Variants in METAP2 observed in about 807,000 individuals in gnomAD.
METAP2 encodes the protein methionyl aminopeptidase 2.
METAP2 carries 25 observed loss-of-function variants against 59.4 expected under a neutral mutation model. That is an observed-to-expected ratio of 0.42 (90% CI 0.31 to 0.59). METAP2 has a LOEUF of 0.59. Ranked by LOEUF, METAP2 falls within the 20% of genes least tolerant of loss-of-function variation. The pLI is 0.16. For missense variants in METAP2, 366 were observed against 581.2 expected (o/e 0.63, Z 3.81); for synonymous variants, 214 against 194.1 (o/e 1.10, Z -0.85).
chr12:95,511,461 G>C (rs2076402351), intron 8 of METAP2, among the ~76,000 whole-genome samples: 1 of 121,968 alleles, frequency 8.2e-6, no homozygotes, highest in Non-Finnish European at 1.6e-5. Flanking sequence ...ATGTGATCTT[G>C]GCTCACGGCA....
chr12:95,513,090 T>TACACACACAC (rs60788079), intron 10 of METAP2, among the ~76,000 whole-genome samples, 174 bp downstream of exon 10: 2,837 of 136,112 alleles, frequency 0.021, 40 homozygotes, highest in Admixed American at 0.034. Flanking sequence ...AGATAAAAAT[T>TACACACACAC]ACACACACAC....
chr12:95,474,769 G>A (rs2076105405), intron 1 of METAP2, among the ~76,000 whole-genome samples: 1 of 152,124 alleles, frequency 6.6e-6, no homozygotes, highest in Non-Finnish European at 1.5e-5. Flanking sequence ...TTTCTTTGGG[G>A]GTGGGCAAAT....
At position 95,504,136 on chromosome 12, in the gene METAP2, T is replaced by C; in HGVS notation, c.939T>C (p.Val313=). 2 of 1,608,494 alleles carry C rather than the reference T, an allele frequency of 1.2e-6. No individual in the cohort carries two copies. The highest frequency in any genetic ancestry group is 1.7e-6 in the Non-Finnish European group (2 of 1,175,036). ...AAGAAGTTATGGAGTCCTATGAAGTTGAAATAGATGGGAAGACATATCAAG... is the reference window on the plus strand; with the variant it reads ...AAGAAGTTATGGAGTCCTATGAAGTCGAAATAGATGGGAAGACATATCAAG... ...AIQEVMESYE[V]EIDGKTYQVK... Residue 313 remains valine (V), a synonymous_variant, in exon 8 of 11, where the codon GTT becomes GTC. Coordinates refer to ENST00000323666, the MANE Select transcript of METAP2 (RefSeq NM_006838.4).
At chr12:95,492,531 T>C (rs1412506338) in intron 4 of METAP2, among the ~76,000 whole-genome samples, 2 of 151,896 alleles carry the variant, frequency 1.3e-5, no homozygotes, top group African/African-American at 4.8e-5. Context: ...TAATTCTGTT[T>C]CTTTTTTCTT....
At chr12:95,498,399 A>G (rs1416265976) in intron 7 of METAP2, among the ~76,000 whole-genome samples, 2 of 151,612 alleles carry the variant, frequency 1.3e-5, no homozygotes, top group Admixed American at 6.6e-5. Context: ...TTACCTTTTT[A>G]CTCCGGATAT....
At position 95,484,266 on chromosome 12, in the gene METAP2, G is replaced by C. The variant is rs532632463; in HGVS notation, c.325+986G>C. Among the ~76,000 whole-genome samples, 13 of 151,958 alleles carry C rather than the reference G, an allele frequency of 8.6e-5. No individual in the cohort carries two copies. In the East Asian group the frequency reaches 1.7e-3, roughly 20 times the overall value. On this transcript the variant is annotated intron_variant, in intron 3 of 10. Transcript: ENST00000323666. ...GGAATAGCCTTCTTTGCATTTAGGC[G>C]TCCATCATTACTAGATCCTTCCACT...
chr12:95,494,230 C>T lies in METAP2; in HGVS notation c.590+13C>T. On this transcript the variant is annotated intron_variant, in intron 5 of 10. Coordinates refer to ENST00000323666, the MANE Select transcript of METAP2 (RefSeq NM_006838.4). Reference sequence around the variant, plus strand: ...TGATAGAAATCTGGTAAAAGGAATACTTCTTCGTAAGAACATGATAAAAAA... The same window carrying T: ...TGATAGAAATCTGGTAAAAGGAATATTTCTTCGTAAGAACATGATAAAAAA... The T allele has an allele frequency of 6.2e-7, 1 of 1,605,858 alleles. No individual in the cohort carries two copies. The highest frequency in any genetic ancestry group is 8.5e-7 in the Non-Finnish European group (1 of 1,174,752).
intron 4 of METAP2, among the ~76,000 whole-genome samples, chr12:95,488,505 T>C (rs1408870242): frequency 1.1e-5 from 1 of 94,638 alleles, no homozygotes. Context: ...CGAGACTTTG[T>C]CTCACCAAAA....
In METAP2 at chr12:95,485,964, C is replaced by T. The variant is rs201267991; in HGVS notation, c.411C>T (p.Tyr137=). 2 of 1,581,690 alleles carry T rather than the reference C, an allele frequency of 1.3e-6. No homozygotes were observed. Among genetic ancestry groups the T allele is most frequent in the Admixed American group, 1.8e-5 (1 of 55,438 alleles). The change falls in exon 4 of 11, where the codon TAC becomes TAT. Residue 137 remains tyrosine, a synonymous_variant. Coordinates refer to ENST00000323666, the MANE Select transcript of METAP2 (RefSeq NM_006838.4). ...GVFPKGQECE[Y]PPTQDGRTAA... ...TTCCCAAAGGACAAGAATGCGAATA[C>T]CCACCCACACAAGATGGGTAAGGAT... is the stretch of plus-strand genomic sequence containing the variant.
intron 10 of METAP2, 45 bp from the exon 11 acceptor site, chr12:95,513,607 C>G (rs199701424): frequency 1.9e-6 from 3 of 1,582,974 alleles, no homozygotes; most frequent in African/African-American, 1.3e-5. Context: ...GAAATCAGTT[C>G]GTAACTCTTT....
chr12:95,507,777 A>AT (rs1381081407), intron 8 of METAP2, among the ~76,000 whole-genome samples: 15,530 of 140,598 alleles, frequency 0.11, 939 homozygotes, highest in African/African-American at 0.15. Context: ...GATTCTCATG[A>AT]TTTTTTTTTT....
rs1179291294 is a variant in METAP2 at position 95,514,959 on chromosome 12, T to C, written c.*1055T>C. ...CTTTCCTTATAGCGGCTAAGTGTATTAAGTTGAATGTAACGATGGTAATAT... is the reference window on the plus strand; with the variant it reads ...CTTTCCTTATAGCGGCTAAGTGTATCAAGTTGAATGTAACGATGGTAATAT... On this transcript the variant is annotated 3_prime_UTR_variant, in exon 11 of 11. Transcript: ENST00000323666. 2.0e-5 allele frequency: 3 copies of C among 152,600 alleles called. No individual in the cohort carries two copies. Among genetic ancestry groups the C allele is most frequent in the African/African-American group, 7.2e-5 (3 of 41,452 alleles). The allele number at this position is 152,600 out of a possible 1,614,324, so 9.5% of individuals were successfully genotyped here.
intron 8 of METAP2, 47 bp from the exon 9 acceptor site, chr12:95,511,846 TGC>T (rs1464588031): frequency 3.0e-6 from 4 of 1,332,996 alleles, no homozygotes; most frequent in Admixed American, 3.7e-5. Flanking sequence ...GATCTGTTTT[TGC>T]TTCTTGAGAT....
chr12:95,491,797 C>G (rs552719528), intron 4 of METAP2, among the ~76,000 whole-genome samples: 1 of 149,930 alleles, frequency 6.7e-6, no homozygotes, highest in Admixed American at 6.7e-5. Flanking sequence ...CAGGTGTGAG[C>G]GACCATGCCT....
intron 2 of METAP2, among the ~76,000 whole-genome samples, chr12:95,479,732 C>T (rs1364132839): frequency 6.6e-6 from 1 of 152,004 alleles, no homozygotes; most frequent in African/African-American, 2.4e-5. Context: ...CCTCAGCCTC[C>T]TGAGTGGCTG....
In METAP2 at chr12:95,476,049, TCTG is replaced by T. The variant is rs1330407221; in HGVS notation, c.152-19_152-17del. 2.8e-6 allele frequency: 4 copies of T among 1,437,614 alleles called. No individual in the cohort carries two copies. The African/African-American group carries it at 5.7e-5, about 20-fold the overall frequency. 89.1% of individuals were successfully genotyped at this position (1,437,614 alleles called of 1,614,324 possible). A position where few individuals can be genotyped will look rare whatever the true frequency, so the allele number is the denominator to read the frequency against. ...GAAAGTGTCTGTATTAGATTTGATT[TCTG>T]CTATTTTATTTTGATCAGCAGGGGA... On this transcript the variant is annotated intron_variant, in intron 1 of 10. Coordinates refer to ENST00000323666, the MANE Select transcript of METAP2 (RefSeq NM_006838.4).
intron 8 of METAP2, among the ~76,000 whole-genome samples, chr12:95,508,400 T>C (rs904526666): frequency 2.6e-5 from 4 of 152,158 alleles, no homozygotes; most frequent in Non-Finnish European, 4.4e-5. Context: ...CAAAGAAAGC[T>C]GAGATTAAGA....
chr12:95,498,872 A>G (rs2076295317), intron 7 of METAP2, among the ~76,000 whole-genome samples: 1 of 152,018 alleles, frequency 6.6e-6, no homozygotes, highest in African/African-American at 2.4e-5. Context: ...CAAATTAGCC[A>G]GGTGTGATGG....
intron 9 of METAP2, 52 bp downstream of exon 9, chr12:95,512,050 A>G: frequency 7.7e-7 from 1 of 1,291,318 alleles, no homozygotes; most frequent in Non-Finnish European, 1.1e-6. Context: ...TTTTCTTCCA[A>G]GCAGAAGGTC....
Sources: allele counts gnomAD v4.1 joint callset (sites outside exome capture counted in the v4.1 genomes callset), GRCh38; gene constraint gnomAD v4.1.1; transcripts MANE v1.5; gene names NCBI Gene and HGNC (gene_info 2026-07-23, HGNC 2026-07-21).